The following PCMT1 variants were observed in gnomAD, a reference collection of about 807,000 sequenced individuals.
PCMT1 encodes the protein protein-L-isoaspartate(D-aspartate) O-methyltransferase.
A neutral mutation model predicts 29.2 loss-of-function variants in PCMT1; 9 were observed. The ratio of observed to expected loss-of-function variants is 0.31; its 90% CI spans 0.19 to 0.54. The LOEUF (loss-of-function observed/expected upper bound fraction) is 0.54, where lower values mean the gene tolerates loss of function less well. PCMT1 is among the 20% of genes least tolerant of loss of function. PCMT1 has a pLI of 0.95. For synonymous variants in PCMT1, 98 were observed against 97.5 expected, an observed-to-expected ratio of 1.00 and a Z score of -0.03; for missense variants, 184 against 282.2, an observed-to-expected ratio of 0.65 and a Z score of 2.49.
At chr6:149,769,603 C>T (rs528172575) in intron 1 of PCMT1, among the ~76,000 whole-genome samples, 21 of 151,578 alleles carry the variant, frequency 1.4e-4, no homozygotes, top group African/African-American at 4.8e-4. Context: ...TGTGAGCTAC[C>T]GTGCCTGGCC....
intron 4 of PCMT1, among the ~76,000 whole-genome samples, chr6:149,792,889 G>C (rs1788428466): frequency 6.6e-6 from 1 of 152,136 alleles, no homozygotes; most frequent in Admixed American, 6.5e-5. Context: ...GGCAGGGTGT[G>C]TGGTGGCTCA....
chr6:149,777,379 A>G (rs1273189130), intron 3 of PCMT1, among the ~76,000 whole-genome samples: 1 of 152,234 alleles, frequency 6.6e-6, no homozygotes, highest in Non-Finnish European at 1.5e-5. Context: ...TTTTTACATC[A>G]TCGTAAAGTC....
chr6:149,789,904 C>G (rs368750913), intron 3 of PCMT1, 50 bp from the exon 4 acceptor site: 5 of 1,237,540 alleles, frequency 4.0e-6, no homozygotes, highest in Non-Finnish European at 5.7e-6. Context: ...ATTTATATAC[C>G]ATGATGTGTG....
At chr6:149,788,219 C>T (rs1788208673) in intron 3 of PCMT1, among the ~76,000 whole-genome samples, 2 of 152,132 alleles carry the variant, frequency 1.3e-5, no homozygotes, top group South Asian at 4.1e-4. Flanking sequence ...GGCCAATGCT[C>T]TTTACCTTTA....
At chr6:149,773,278 G>A (rs1787413052) in intron 3 of PCMT1, 109 bp downstream of exon 3, 1 of 853,424 alleles carries the variant, frequency 1.2e-6, no homozygotes, top group Admixed American at 2.1e-5. Flanking sequence ...TCATCTATGA[G>A]TTATGTGAAT....
At chr6:149,754,701 A>G (rs1786447754) in intron 1 of PCMT1, among the ~76,000 whole-genome samples, 1 of 152,164 alleles carries the variant, frequency 6.6e-6, no homozygotes, top group African/African-American at 2.4e-5. Flanking sequence ...TGCTGTTTTG[A>G]GTAGCGTGAG....
At chr6:149,804,745 G>C (rs969784119) in intron 7 of PCMT1, among the ~76,000 whole-genome samples, 5 of 152,024 alleles carry the variant, frequency 3.3e-5, no homozygotes, top group South Asian at 2.1e-4. Flanking sequence ...CAGGTGATCT[G>C]CCCGCCTCGG....
intron 3 of PCMT1, among the ~76,000 whole-genome samples, chr6:149,778,176 G>A (rs571024425): frequency 2.7e-4 from 39 of 146,806 alleles, no homozygotes; most frequent in Non-Finnish European, 4.1e-4. Context: ...TGTGTCTGGC[G>A]TGTTATCAAT....
intron 7 of PCMT1, among the ~76,000 whole-genome samples, chr6:149,803,074 A>C (rs969832156): frequency 6.0e-5 from 9 of 151,014 alleles, no homozygotes; most frequent in Non-Finnish European, 1.2e-4. Context: ...AAAAAAAAAA[A>C]AAAAAAAACA....
Position 149,789,965 on chromosome 6 carries a change from G to A in PCMT1, c.204G>A (p.Ala68=), listed in dbSNP as rs541107309. 1.7e-5 allele frequency: 28 copies of A among 1,605,256 alleles called. No homozygotes were observed. The highest frequency in any genetic ancestry group is 1.9e-5 in the Non-Finnish European group (22 of 1,176,662). Residue 68 remains alanine, a synonymous_variant, in exon 4 of 8, where the codon GCG becomes GCA. Transcript: ENST00000464889. The part of the protein sequence containing the change: ...TISAPHMHAY[A]LELLFDQLHE... ...TTTTCTTTTGGCAGCATGCATATGC[G>A]CTAGAACTTCTATTTGATCAGTTGC...
At chr6:149,774,752 G>A (rs1562406603) in intron 3 of PCMT1, among the ~76,000 whole-genome samples, 1 of 146,936 alleles carries the variant, frequency 6.8e-6, no homozygotes, top group Non-Finnish European at 1.5e-5. Flanking sequence ...TGTGGCCCAG[G>A]CTGGAGTGCA....
At position 149,810,848 on chromosome 6, in the gene PCMT1, C is replaced by T; in HGVS notation, c.*270C>T. 1 of 417,890 alleles carries T rather than the reference C, an allele frequency of 2.4e-6. No homozygotes were observed. The highest frequency in any genetic ancestry group is 4.2e-6 in the Non-Finnish European group (1 of 235,706). 25.9% of individuals were successfully genotyped at this position (417,890 alleles called of 1,614,324 possible). On this transcript the variant is annotated 3_prime_UTR_variant, in exon 8 of 8. Coordinates refer to ENST00000464889, the MANE Select transcript of PCMT1 (RefSeq NM_001360452.2). ...CAAAGTATAAATTTGTGTAATATTA[C>T]TTTAACATGCCCATATTTTACTTGG...
chr6:149,756,769 C>T (rs1786528135), intron 1 of PCMT1, among the ~76,000 whole-genome samples: 1 of 151,746 alleles, frequency 6.6e-6, no homozygotes, highest in Non-Finnish European at 1.5e-5. Flanking sequence ...GAGGCCTTCT[C>T]ATTTTGACTT....
At chr6:149,759,065 C>T (rs1169703616) in intron 1 of PCMT1, among the ~76,000 whole-genome samples, 2 of 152,082 alleles carry the variant, frequency 1.3e-5, no homozygotes, top group African/African-American at 4.8e-5. Flanking sequence ...TTAGTAGAGA[C>T]AGGGTTTCAC....
chr6:149,772,539 A>ATTT (rs1362914183), intron 2 of PCMT1: 1 of 445,656 alleles, frequency 2.2e-6, no homozygotes, highest in African/African-American at 2.0e-5. Flanking sequence ...ACTTACTGAA[A>ATTT]TTCTTCCTTT....
intron 1 of PCMT1, among the ~76,000 whole-genome samples, chr6:149,754,317 A>G (rs1462091326): frequency 6.6e-6 from 1 of 152,230 alleles, no homozygotes; most frequent in East Asian, 1.9e-4. Flanking sequence ...TTTTATGATT[A>G]TGGACTGGTA....
chr6:149,757,137 A>G (rs954492979), intron 1 of PCMT1, among the ~76,000 whole-genome samples: 21 of 152,172 alleles, frequency 1.4e-4, no homozygotes, highest in African/African-American at 4.8e-4. Context: ...CTGGGTGAAA[A>G]AGCGAAACTG....
At chr6:149,805,894 T>C (rs905681615) in intron 7 of PCMT1, among the ~76,000 whole-genome samples, 1 of 150,566 alleles carries the variant, frequency 6.6e-6, no homozygotes, top group Non-Finnish European at 1.5e-5. Context: ...TGAGCCTACA[T>C]TGTGCCACTG....
chr6:149,802,103 TG>T, intron 6 of PCMT1, 96 bp from the exon 7 acceptor site: 2 of 818,570 alleles, frequency 2.4e-6, no homozygotes, highest in Non-Finnish European at 1.8e-6. Flanking sequence ...CACTCCAGCC[TG>T]GGCGACAGAG....
Sources: allele counts gnomAD v4.1 joint callset (sites outside exome capture counted in the v4.1 genomes callset), GRCh38; gene constraint gnomAD v4.1.1; transcripts MANE v1.5; gene names NCBI Gene and HGNC (gene_info 2026-07-23, HGNC 2026-07-21).